Variants in MBTPS2 observed in about 807,000 individuals in gnomAD.
The protein encoded by MBTPS2 is membrane-bound transcription factor site-2 protease.
Under a neutral mutation model 35.4 loss-of-function variants are expected in MBTPS2, and 2 were observed. The observed-to-expected ratio is 0.06, with a 90% CI of 0.02 to 0.18. The LOEUF (loss-of-function observed/expected upper bound fraction) is 0.18. Among genes scored for constraint, MBTPS2 ranks in the 10% least tolerant of loss-of-function variants. The pLI is 1.00. For missense variants in MBTPS2, 244 were observed against 386.5 expected, an observed-to-expected ratio of 0.63 and a Z score of 3.09; for synonymous variants, 125 against 140.4, an observed-to-expected ratio of 0.89 and a Z score of 0.77.
Position 21,885,304 on chromosome X carries a change from T to C in MBTPS2, c.*2649T>C, listed in dbSNP as rs2092963587. On this transcript the variant is annotated 3_prime_UTR_variant, in exon 11 of 11. Transcript: ENST00000379484. ...TACTAATGGTGCACAGGTGTTTTTT[T>C]CTATAAATCTTCTGACTGTCCTGTA... is the stretch of plus-strand genomic sequence containing the variant. The C allele has an allele frequency of 2.7e-6, 2 of 750,811 alleles. No individual in the cohort carries two copies. The highest frequency in any genetic ancestry group is 3.1e-6 in the Non-Finnish European group (2 of 637,285). 61.9% of individuals were successfully genotyped at this position (750,811 alleles called of 1,213,427 possible).
Position 21,852,583 on chromosome X carries a change from C to T in MBTPS2, c.543-793C>T, listed in dbSNP as rs115610902. The stretch of plus-strand genomic sequence containing the variant: ...CCTATAGACACATCGTTAATAACAG[C>T]TTAACAATTTACAGTATGTTTGTAA... On this transcript the variant is annotated intron_variant, in intron 4 of 10. Coordinates refer to ENST00000379484, the MANE Select transcript of MBTPS2 (RefSeq NM_015884.4). Among the ~76,000 whole-genome samples, 999 of 109,514 alleles carry T rather than the reference C, an allele frequency of 9.1e-3. 16 individuals carry two copies. The highest frequency in any genetic ancestry group is 0.032 in the African/African-American group (965 of 30,156).
At chrX:21,853,055 TC>T (rs2092916535) in intron 4 of MBTPS2, among the ~76,000 whole-genome samples, 1 of 111,276 alleles carries the variant, frequency 9.0e-6, no homozygotes. Flanking sequence ...TCATTTAGTT[TC>T]TCATAAAAGC....
At position 21,841,335 on chromosome X, in the gene MBTPS2, C is replaced by T. The variant is rs191525757; in HGVS notation, c.75+1526C>T. Among the ~76,000 whole-genome samples the T allele has an allele frequency of 6.9e-3, 668 of 97,228 alleles. 6 individuals are homozygous for T. The highest frequency in any genetic ancestry group is 8.4e-3 in the Non-Finnish European group (412 of 49,118). The allele number at this position is 97,228 out of a possible 115,157, so 84.4% of individuals were successfully genotyped here. On this transcript the variant is annotated intron_variant, in intron 1 of 10. Coordinates refer to ENST00000379484, the MANE Select transcript of MBTPS2 (RefSeq NM_015884.4). ...ACTCTGGAGGCTGAGGTAGGAGGAT[C>T]TCTTGAGTCTGAGAGTCAGAGGTTA...
At chrX:21,867,016 CAAAAAAA>C (rs760076000) in intron 5 of MBTPS2, among the ~76,000 whole-genome samples, 1 of 57,255 alleles carries the variant, frequency 1.7e-5, no homozygotes, top group Admixed American at 1.9e-4. Context: ...GACTCTGTCT[CAAAAAAA>C]AAAAAAAAGA....
chrX:21,856,433 G>A, intron 5 of MBTPS2: 2 of 1,162,553 alleles, frequency 1.7e-6, no homozygotes, highest in Admixed American at 2.4e-5. Flanking sequence ...TCCCCTCAGC[G>A]TTCTTTTTCC....
chrX:21,848,058 T>C (rs766906247), intron 3 of MBTPS2, among the ~76,000 whole-genome samples: 12 of 112,736 alleles, frequency 1.1e-4, no homozygotes, highest in Non-Finnish European at 2.2e-4. Flanking sequence ...CCAAAATATC[T>C]AATTGAGGAA....
In MBTPS2 at chrX:21,869,631, A is replaced by G. The variant is rs779146398; in HGVS notation, c.923A>G (p.Tyr308Cys). 1 of 1,210,705 alleles carries G rather than the reference A, an allele frequency of 8.3e-7. No individual in the cohort carries two copies. Among genetic ancestry groups the G allele is most frequent in the Non-Finnish European group, 1.1e-6 (1 of 894,595 alleles). Residue 308 changes from tyrosine to cysteine, a missense_variant, in exon 7 of 11, where the codon TAC becomes TGC. Tyr to Cys is a radical substitution (Grantham distance 194). Transcript: ENST00000379484. ...ATCGCCTATGAGCCCCAAATTGGTT[A>G]CTGTATAAGTGCATCAACTTTACAG... ...DTIAYEPQIG[Y>C]CISASTLQQL...
At chrX:21,862,901 C>CACATATATATAAAT (rs2092933638) in intron 5 of MBTPS2, among the ~76,000 whole-genome samples, 4 of 69,566 alleles carry the variant, frequency 5.7e-5, no homozygotes, top group African/African-American at 2.0e-4. Flanking sequence ...TATATATAAA[C>CACATATATATAAAT]ATATATAAAT....
At chrX:21,846,392 C>T (rs554621584) in intron 3 of MBTPS2, among the ~76,000 whole-genome samples, 5 of 111,430 alleles carry the variant, frequency 4.5e-5, no homozygotes, top group South Asian at 7.6e-4. Context: ...TTATTTGAGA[C>T]GGAGTTTTGC....
chrX:21,869,322 A>G (rs2092944281), intron 6 of MBTPS2, among the ~76,000 whole-genome samples, 176 bp from the exon 7 acceptor site: 1 of 112,341 alleles, frequency 8.9e-6, no homozygotes, highest in African/African-American at 3.2e-5. Context: ...TGGGAAAAGC[A>G]ACTATAATTG....
intron 5 of MBTPS2, among the ~76,000 whole-genome samples, chrX:21,868,264 C>A (rs1305898644): frequency 9.0e-6 from 1 of 111,411 alleles, no homozygotes; most frequent in Non-Finnish European, 1.9e-5. Flanking sequence ...TATTAACATG[C>A]CCATTTTAGA....
At chrX:21,847,693 A>G (rs1049487733) in intron 3 of MBTPS2, among the ~76,000 whole-genome samples, 3 of 112,517 alleles carry the variant, frequency 2.7e-5, no homozygotes, top group African/African-American at 9.7e-5. Flanking sequence ...TTTATTTGAA[A>G]TAAAGGTAAG....
intron 5 of MBTPS2, 144 bp from the exon 6 acceptor site, chrX:21,868,323 C>T: frequency 1.8e-6 from 1 of 549,595 alleles, no homozygotes; most frequent in Non-Finnish European, 3.3e-6. Flanking sequence ...TCTGTCTGCT[C>T]TACTAATAAG....
chrX:21,884,713 T>C lies in MBTPS2; in HGVS notation c.*2058T>C. 2 of 680,988 alleles carry C rather than the reference T, an allele frequency of 2.9e-6. No homozygotes were observed. Among genetic ancestry groups the C allele is most frequent in the South Asian group, 1.5e-4 (2 of 13,230 alleles). 56.1% of individuals were successfully genotyped at this position (680,988 alleles called of 1,213,427 possible). ...TACAGCAAGGACCATATCATATTCA[T>C]CTTTGCATCCCTGGCACAGTGCATG... is the stretch of plus-strand genomic sequence containing the variant. On this transcript the variant is annotated 3_prime_UTR_variant, in exon 11 of 11. Coordinates refer to ENST00000379484, the MANE Select transcript of MBTPS2 (RefSeq NM_015884.4).
intron 7 of MBTPS2, among the ~76,000 whole-genome samples, chrX:21,874,178 GC>G (rs1340810028): frequency 9.4e-6 from 1 of 106,772 alleles, no homozygotes; most frequent in Non-Finnish European, 1.9e-5. Context: ...GTGCCACCAA[GC>G]CCGGCTAATT....
In MBTPS2 at chrX:21,859,958, G is replaced by GGC. The variant is rs764141367; in HGVS notation, c.670+6458_670+6459dup. The stretch of plus-strand genomic sequence containing the variant: ...AAATAAAAAAATTAGCTGAGTGTGG[G>GGC]GCGCACACCTGTGGTCCTAGCTACT... On this transcript the variant is annotated intron_variant, in intron 5 of 10. Transcript: ENST00000379484. 3.5e-4 allele frequency among the ~76,000 whole-genome samples: 39 copies of GGC among 110,354 alleles called. 1 individual carries two copies. The highest frequency in any genetic ancestry group is 3.4e-3 in the Admixed American group (36 of 10,440).
chrX:21,842,867 T>C (rs2092904282), intron 1 of MBTPS2, among the ~76,000 whole-genome samples: 1 of 111,483 alleles, frequency 9.0e-6, no homozygotes, highest in Non-Finnish European at 1.9e-5. Context: ...ATATTTTTGG[T>C]TTTTATTGTC....
At chrX:21,878,232 T>C in intron 8 of MBTPS2, 96 bp downstream of exon 8, 2 of 591,544 alleles carry the variant, frequency 3.4e-6, no homozygotes, top group Non-Finnish European at 5.7e-6. Flanking sequence ...TTCTCTCTTT[T>C]GCTCTATTTG....
intron 5 of MBTPS2, among the ~76,000 whole-genome samples, chrX:21,862,765 T>G (rs1403972860): frequency 1.0e-5 from 1 of 99,902 alleles, no homozygotes; most frequent in African/African-American, 3.6e-5. Context: ...GAGCCGAGAT[T>G]GCGCCACTGC....
Sources: gnomAD v4.1 joint callset for allele counts (sites outside exome capture counted in the v4.1 genomes callset) on GRCh38, gnomAD v4.1.1 for gene constraint, MANE v1.5 for transcripts, NCBI Gene and HGNC (gene_info 2026-07-23, HGNC 2026-07-21) for gene names.